GRM5: variants seen among roughly 807,000 people sequenced by gnomAD.
GRM5 encodes metabotropic glutamate receptor 5.
GRM5 carries 19 observed loss-of-function variants against 83.1 expected under a neutral mutation model. That is an observed-to-expected ratio of 0.23 (90% confidence interval 0.16 to 0.34). GRM5 has a LOEUF of 0.34. GRM5 is among the 10% of genes least tolerant of loss of function. GRM5 has a pLI of 1.00. For synonymous variants in GRM5, 675 were observed against 633.6 expected (o/e 1.07, Z -0.98); for missense variants, 1,160 against 1,588.3 (o/e 0.73, Z 4.58).
At chr11:88,629,049 C>G (rs980528338) in intron 4 of GRM5, among the ~76,000 whole-genome samples, 32 of 152,110 alleles carry the variant, frequency 2.1e-4, no homozygotes, top group Admixed American at 2.1e-3. Context: ...TGGTGCTTTC[C>G]TATGTGCTCA....
chr11:88,841,675 C>T (rs1339987826), intron 3 of GRM5, among the ~76,000 whole-genome samples: 5 of 152,238 alleles, frequency 3.3e-5, no homozygotes, highest in African/African-American at 4.8e-5. Context: ...AGCTGCAGAC[C>T]GGAATCCACA....
chr11:88,865,781 T>C (rs570301824), intron 2 of GRM5, among the ~76,000 whole-genome samples: 85 of 152,188 alleles, frequency 5.6e-4, no homozygotes, highest in African/African-American at 2.0e-3. Flanking sequence ...AGAAGACATT[T>C]ATGCAGCCAA....
chr11:88,804,569 T>G (rs10831460), intron 3 of GRM5, among the ~76,000 whole-genome samples: 64,970 of 150,340 alleles, frequency 0.43, 16,665 homozygotes, highest in African/African-American at 0.7. Context: ...ATAGCTTTAG[T>G]AGTTATACCT....
At chr11:88,568,923 G>A (rs984557795) in intron 7 of GRM5, among the ~76,000 whole-genome samples, 2 of 152,104 alleles carry the variant, frequency 1.3e-5, no homozygotes, top group Admixed American at 6.6e-5. Flanking sequence ...TCTCAAAATC[G>A]TTCCTTATTC....
At chr11:88,924,257 A>AG (rs926002615) in intron 2 of GRM5, among the ~76,000 whole-genome samples, 26 of 510 alleles carry the variant, frequency 0.051, no homozygotes, top group Admixed American at 0.1. Context: ...GAGCTTCCTT[A>AG]AAATTTTAAA....
intron 2 of GRM5, among the ~76,000 whole-genome samples, chr11:88,864,533 CTT>C (rs1226121935): frequency 2.0e-5 from 3 of 151,934 alleles, no homozygotes; most frequent in East Asian, 3.9e-4. Context: ...TATCTTGAGA[CTT>C]TGCTGAAGTT....
At chr11:88,691,493 C>T (rs1026059772) in intron 3 of GRM5, among the ~76,000 whole-genome samples, 1 of 152,142 alleles carries the variant, frequency 6.6e-6, no homozygotes, top group Non-Finnish European at 1.5e-5. Context: ...AAAGATTTCA[C>T]CTACATCCAT....
At chr11:88,597,102 C>G (rs1937830326) in intron 6 of GRM5, 82 bp downstream of exon 6, 1 of 859,104 alleles carries the variant, frequency 1.2e-6, no homozygotes, top group Non-Finnish European at 1.8e-6. Context: ...AAATAAGTGT[C>G]TAAAATTTTT....
chr11:88,574,303 C>T (rs1328865054), intron 7 of GRM5, among the ~76,000 whole-genome samples: 1 of 152,010 alleles, frequency 6.6e-6, no homozygotes, highest in African/African-American at 2.4e-5. Flanking sequence ...TTTTGCGTTG[C>T]CTTTAGAAGT....
chr11:88,805,762 T>G (rs1943488880), intron 3 of GRM5, among the ~76,000 whole-genome samples: 1 of 152,182 alleles, frequency 6.6e-6, no homozygotes, highest in African/African-American at 2.4e-5. Flanking sequence ...TAATATATAC[T>G]CAATAATGTT....
intron 8 of GRM5, among the ~76,000 whole-genome samples, chr11:88,530,867 G>C (rs308876): frequency 0.062 from 9,487 of 152,056 alleles, 509 homozygotes; most frequent in African/African-American, 0.14. Context: ...CTTATGTGAG[G>C]CTGATCAAGT....
At chr11:88,933,747 T>C (rs1343081064) in intron 2 of GRM5, among the ~76,000 whole-genome samples, 2 of 151,866 alleles carry the variant, frequency 1.3e-5, no homozygotes, top group African/African-American at 2.4e-5. Context: ...TGTTTGAGAA[T>C]GTTACTTAAT....
intron 2 of GRM5, among the ~76,000 whole-genome samples, chr11:89,004,971 T>A (rs544612734): frequency 9.6e-4 from 146 of 152,318 alleles, no homozygotes; most frequent in Non-Finnish European, 1.7e-3. Context: ...ATGGGTTACA[T>A]GCAATTGAAA....
In GRM5 at chr11:88,597,242, T is replaced by C. The variant is rs200877660; in HGVS notation, c.1505A>G (p.Lys502Arg). 6.2e-7 allele frequency: 1 copy of C among 1,610,040 alleles called. No individual in the cohort carries two copies. Among genetic ancestry groups the C allele is most frequent in the Non-Finnish European group, 8.5e-7 (1 of 1,176,812 alleles). The change falls in exon 6 of 10, where the codon AAG (lysine) becomes AGG (arginine). Residue 502 changes from lysine (K) to arginine (R), a missense_variant. Coordinates refer to ENST00000305447, the MANE Select transcript of GRM5 (RefSeq NM_001143831.3). The part of the protein sequence containing the change: ...LKMDDDEVWS[K>R]KSNIIRSVCS... ...CACAGATCTGATGATGTTGCTTTTCTTGGACCATACTTCATCATCATCCAT... is the reference window on the plus strand; with the variant it reads ...CACAGATCTGATGATGTTGCTTTTCCTGGACCATACTTCATCATCATCCAT...
intron 3 of GRM5, among the ~76,000 whole-genome samples, chr11:88,770,300 G>A (rs911897745): frequency 6.6e-6 from 1 of 151,930 alleles, no homozygotes; most frequent in African/African-American, 2.4e-5. Context: ...AAAACAAAGG[G>A]AATCTTAATA....
chr11:88,988,939 G>C (rs1009869221), intron 2 of GRM5, among the ~76,000 whole-genome samples: 9 of 148,456 alleles, frequency 6.1e-5, no homozygotes, highest in Non-Finnish European at 7.5e-5. Flanking sequence ...AGACTAGGAA[G>C]AAACTGCATC....
chr11:88,733,050 A>G (rs1271724504), intron 3 of GRM5, among the ~76,000 whole-genome samples: 3 of 152,070 alleles, frequency 2.0e-5, no homozygotes, highest in Non-Finnish European at 2.9e-5. Context: ...ATGACCCAAT[A>G]AATCTATTTA....
intron 3 of GRM5, among the ~76,000 whole-genome samples, chr11:88,803,860 C>T (rs937573705): frequency 1.3e-5 from 2 of 152,256 alleles, no homozygotes; most frequent in East Asian, 1.9e-4. Context: ...ACAACCCCAT[C>T]GAAAAGTGGG....
intron 3 of GRM5, among the ~76,000 whole-genome samples, chr11:88,730,140 G>A (rs1432454707): frequency 1.3e-5 from 2 of 152,074 alleles, no homozygotes; most frequent in African/African-American, 2.4e-5. Context: ...ATCTGACAAA[G>A]GGCTAATATC....
Sources: gnomAD v4.1 joint callset for allele counts (sites outside exome capture counted in the v4.1 genomes callset) on GRCh38, gnomAD v4.1.1 for gene constraint, MANE v1.5 for transcripts, NCBI Gene and HGNC (gene_info 2026-07-23, HGNC 2026-07-21) for gene names.